PSG2: variants seen among roughly 807,000 people sequenced by gnomAD.
PSG2 encodes the protein pregnancy specific beta-1-glycoprotein 2, also known as pregnancy-specific beta-1-glycoprotein 2.
In PSG2, 49 loss-of-function variants were observed where a neutral mutation model predicts 36.2. That is an observed-to-expected ratio of 1.35 (90% CI 1.08 to 1.72). The LOEUF is 1.72. PSG2 is among the 40% of genes most tolerant of loss of function. PSG2 has a pLI of 0.00. For missense variants in PSG2, 605 were observed against 407.2 expected (o/e 1.49, Z -4.18); for synonymous variants, 261 against 155.6 (o/e 1.68, Z -5.04).
chr19:43,079,369 G>T (rs181813612), intron 2 of PSG2, among the ~76,000 whole-genome samples: 1,899 of 151,564 alleles, frequency 0.013, 48 homozygotes, highest in South Asian at 0.031. Flanking sequence ...GTAGTGGGGG[G>T]ATGAAACATG....
chr19:43,064,822 A>C (rs1967718079), intron 5 of PSG2, among the ~76,000 whole-genome samples: 1 of 151,736 alleles, frequency 6.6e-6, no homozygotes, highest in Non-Finnish European at 1.5e-5. Context: ...TATAATTTTT[A>C]GAATACTCAT....
chr19:43,080,931 C>G lies in PSG2; in HGVS notation c.380G>C (p.Arg127Pro), dbSNP rs370816753. 6 of 1,612,786 alleles carry G rather than the reference C, an allele frequency of 3.7e-6. No homozygotes were observed. Among genetic ancestry groups the G allele is most frequent in the Non-Finnish European group, 4.2e-6 (5 of 1,179,534 alleles). The change falls in exon 2 of 6, where the codon CGA becomes CCA. Residue 127 changes from arginine to proline, a missense_variant. Arg to Pro is a moderately radical substitution (Grantham distance 103, BLOSUM62 -2). Transcript: ENST00000406487. Reference sequence around the variant, plus strand: ...AGTTACTCCTCTAGTCCCATCACCTCGCTTTATGATGTGTAAGGTGTAGGA... The same window carrying G: ...AGTTACTCCTCTAGTCCCATCACCTGGCTTTATGATGTGTAAGGTGTAGGA... The part of the protein sequence containing the change: ...AGSYTLHIIK[R>P]GDGTRGVTGY...
intron 2 of PSG2, among the ~76,000 whole-genome samples, chr19:43,080,150 G>C (rs1354073747): frequency 6.6e-6 from 1 of 151,790 alleles, no homozygotes; most frequent in Non-Finnish European, 1.5e-5. Context: ...TGGACAAGCT[G>C]CTACCAGGTA....
intron 4 of PSG2, among the ~76,000 whole-genome samples, chr19:43,068,700 A>T (rs1599704893): frequency 6.6e-6 from 1 of 151,724 alleles, no homozygotes; most frequent in South Asian, 2.1e-4. Context: ...AAAACATTGT[A>T]AGAATGGAAG....
chr19:43,080,125 T>C (rs1967950903), intron 2 of PSG2, among the ~76,000 whole-genome samples: 2 of 151,866 alleles, frequency 1.3e-5, no homozygotes, highest in African/African-American at 4.9e-5. Flanking sequence ...AAAGCACCGT[T>C]ACATCAGATC....
chr19:43,075,334 G>A lies in PSG2; in HGVS notation c.709+20C>T. 2 of 1,613,222 alleles carry A rather than the reference G, an allele frequency of 1.2e-6. No homozygotes were observed. Among genetic ancestry groups the A allele is most frequent in the Non-Finnish European group, 1.7e-6 (2 of 1,179,630 alleles). ...ATTTGGGATGGCAGTCTGGCCCACA[G>A]AGGAACAGAAGATACTCACGGAGGA... On this transcript the variant is annotated intron_variant, in intron 3 of 5. Coordinates refer to ENST00000406487, the MANE Select transcript of PSG2 (RefSeq NM_031246.4).
intron 5 of PSG2, among the ~76,000 whole-genome samples, chr19:43,065,067 C>T (rs1204622754): frequency 1.3e-5 from 2 of 151,722 alleles, no homozygotes; most frequent in East Asian, 1.9e-4. Context: ...GATCTCCTGA[C>T]CTCGTGATCT....
intron 2 of PSG2, among the ~76,000 whole-genome samples, chr19:43,080,189 G>A (rs2122918393): frequency 6.6e-6 from 1 of 151,732 alleles, no homozygotes; most frequent in Admixed American, 6.6e-5. Context: ...TCTGCTTCTG[G>A]GGACATTAGA....
Position 43,075,569 on chromosome 19 carries a change from A to G in PSG2, c.494T>C (p.Val165Ala). The change falls in exon 3 of 6, where the codon GTG becomes GCG. Residue 165 changes from valine to alanine, a missense_variant. Transcript: ENST00000406487. ...NLNPREAMET[V>A]ILTCDPETPD... ...AGTCTCAGGATCACAGGTTAAGATCACAGTTTCCATGGCCTCCCTGGGGTT... is the reference window on the plus strand; with the variant it reads ...AGTCTCAGGATCACAGGTTAAGATCGCAGTTTCCATGGCCTCCCTGGGGTT... 3 of 1,613,316 alleles carry G rather than the reference A, an allele frequency of 1.9e-6. No homozygotes were observed. Among genetic ancestry groups the G allele is most frequent in the South Asian group, 1.1e-5 (1 of 91,048 alleles).
chr19:43,078,647 C>T (rs181315453), intron 2 of PSG2, among the ~76,000 whole-genome samples: 1 of 151,562 alleles, frequency 6.6e-6, no homozygotes, highest in East Asian at 1.9e-4. Flanking sequence ...CAGTCCTGTG[C>T]CCCTGAAACT....
At chr19:43,082,307 A>T (rs1283722427) in intron 1 of PSG2, 199 bp downstream of exon 1, 3 of 784,172 alleles carry the variant, frequency 3.8e-6, no homozygotes, top group South Asian at 3.6e-5. Context: ...TACCTGGTTA[A>T]TTTTTTGTAT....
intron 4 of PSG2, among the ~76,000 whole-genome samples, chr19:43,070,139 C>A (rs557802295): frequency 2.2e-4 from 33 of 151,678 alleles, no homozygotes; most frequent in African/African-American, 7.3e-4. Context: ...CAATGTTACA[C>A]CACCTCACAC....
At chr19:43,075,316 A>T (rs1400004454) in intron 3 of PSG2, 38 bp downstream of exon 3, 1 of 1,613,134 alleles carries the variant, frequency 6.2e-7, no homozygotes, top group African/African-American at 1.3e-5. Context: ...TGTATTTGGG[A>T]TGGCAGTCTG....
rs1474011844 is a variant in PSG2, at chr19:43,081,031, C to A, written c.280G>T (p.Ala94Ser). ...VDGQIIIYGP[A>S]YSGRETAYSN... ...TATGCTGTTTCTCGTCCACTATATG[C>A]AGGCCCATATATAATTATTTGACCG... The change falls in exon 2 of 6, where the codon GCA (alanine) becomes TCA (serine). Residue 94 changes from alanine to serine, a missense_variant. By Grantham distance (99) the Ala-to-Ser change is moderately conservative. Coordinates refer to ENST00000406487, the MANE Select transcript of PSG2 (RefSeq NM_031246.4). The A allele has an allele frequency of 1.9e-6, 3 of 1,612,974 alleles. No homozygotes were observed. Among genetic ancestry groups the A allele is most frequent in the African/African-American group, 1.3e-5 (1 of 74,412 alleles).
chr19:43,076,709 C>A (rs1241139678), intron 2 of PSG2, among the ~76,000 whole-genome samples: 1 of 151,558 alleles, frequency 6.6e-6, no homozygotes, highest in Admixed American at 6.6e-5. Flanking sequence ...GTGTGCGGTT[C>A]CAGTTATGCA....
In PSG2 at chr19:43,071,860, CG is replaced by C. The variant is rs1418365120; in HGVS notation, c.803del (p.Pro268ArgfsTer49). On this transcript the variant is annotated frameshift_variant, in exon 4 of 6. Transcript: ENST00000406487. LOFTEE classifies it high-confidence loss of function. ...CATTAATTGTCCAAGAATACTGTGC[CG>C]GTGGGTTAGAGTTCGCGAAGCAAGA... is the stretch of plus-strand genomic sequence containing the variant. ...YLSCFANSNPPAQYSWTINGK... is the reference protein window; with the variant it reads ...YLSCFANSNPXAQYSWTINGK... 11 of 1,612,956 alleles carry C rather than the reference CG, an allele frequency of 6.8e-6. No individual in the cohort carries two copies. Among genetic ancestry groups the C allele is most frequent in the Non-Finnish European group, 9.3e-6 (11 of 1,179,640 alleles).
intron 4 of PSG2, among the ~76,000 whole-genome samples, chr19:43,070,862 C>T (rs1363718176): frequency 3.3e-5 from 5 of 151,582 alleles, no homozygotes; most frequent in Non-Finnish European, 7.4e-5. Flanking sequence ...GGTAGTCTTA[C>T]CCTCTCTATA....
chr19:43,070,707 G>A (rs537736846), intron 4 of PSG2, among the ~76,000 whole-genome samples: 1 of 151,760 alleles, frequency 6.6e-6, no homozygotes, highest in South Asian at 2.1e-4. Context: ...GAAGGAGTGA[G>A]AGTTACTGTT....
rs774743853 is a variant in PSG2, at chr19:43,075,567, T to C, written c.496A>G (p.Ile166Val). Reference sequence around the variant, plus strand: ...GGAGTCTCAGGATCACAGGTTAAGATCACAGTTTCCATGGCCTCCCTGGGG... The same window carrying C: ...GGAGTCTCAGGATCACAGGTTAAGACCACAGTTTCCATGGCCTCCCTGGGG... ...LNPREAMETV[I>V]LTCDPETPDT... Residue 166 changes from isoleucine to valine, a missense_variant, in exon 3 of 6, where the codon ATC (isoleucine) becomes GTC (valine). Ile to Val is a conservative substitution (Grantham distance 29). Coordinates refer to ENST00000406487, the MANE Select transcript of PSG2 (RefSeq NM_031246.4). 1.9e-6 allele frequency: 3 copies of C among 1,613,282 alleles called. No individual in the cohort carries two copies. Among genetic ancestry groups the C allele is most frequent in the Non-Finnish European group, 2.5e-6 (3 of 1,179,764 alleles).
Sources: allele counts gnomAD v4.1 joint callset (sites outside exome capture counted in the v4.1 genomes callset), GRCh38; gene constraint gnomAD v4.1.1; transcripts MANE v1.5; gene names NCBI Gene and HGNC (gene_info 2026-07-23, HGNC 2026-07-21).